Variants in SLC25A25 observed in about 807,000 individuals in gnomAD.
SLC25A25 encodes mitochondrial adenyl nucleotide antiporter SLC25A25.
A neutral mutation model predicts 57.7 loss-of-function variants in SLC25A25; 32 were observed. The observed-to-expected ratio is 0.55, with a 90% CI of 0.42 to 0.74. The LOEUF (loss-of-function observed/expected upper bound fraction) is 0.74, where lower values mean the gene tolerates loss of function less well. SLC25A25 is among the 30% of genes least tolerant of loss of function. SLC25A25 has a pLI of 0.00. For synonymous variants in SLC25A25, 306 were observed against 291.2 expected (o/e 1.05, Z -0.52); for missense variants, 556 against 701.3 (o/e 0.79, Z 2.34).
chr9:128,077,883 G>C (rs182025984), intron 1 of SLC25A25, among the ~76,000 whole-genome samples: 4 of 151,862 alleles, frequency 2.6e-5, no homozygotes, highest in Admixed American at 2.6e-4. Flanking sequence ...AAAATTAGCC[G>C]AGCATGGTGG....
Position 128,106,462 on chromosome 9 carries a change from A to G in SLC25A25, c.1154A>G (p.Tyr385Cys). 4 of 1,613,178 alleles carry G rather than the reference A, an allele frequency of 2.5e-6. No homozygotes were observed. Among genetic ancestry groups the G allele is most frequent in the Non-Finnish European group, 3.4e-6 (4 of 1,179,932 alleles). ...GGGGTGGCCGCCTTCTACAAAGGCT[A>G]TGTCCCCAACATGCTGGGCATCATC... Reference protein sequence around the residue: ...REGVAAFYKGYVPNMLGIIPY... With the variant: ...REGVAAFYKGCVPNMLGIIPY... Residue 385 changes from tyrosine (Y) to cysteine (C), a missense_variant, in exon 9 of 11, where the codon TAT (tyrosine) becomes TGT (cysteine). Coordinates refer to ENST00000373069, the MANE Select transcript of SLC25A25 (RefSeq NM_001330988.2).
intron 1 of SLC25A25, among the ~76,000 whole-genome samples, chr9:128,081,297 G>C (rs1201612454): frequency 1.3e-5 from 2 of 152,196 alleles, no homozygotes; most frequent in Non-Finnish European, 2.9e-5. Flanking sequence ...TTAAGTTTGT[G>C]TTGAGTCAGA....
At chr9:128,078,769 G>A (rs1833074743) in intron 1 of SLC25A25, among the ~76,000 whole-genome samples, 1 of 152,170 alleles carries the variant, frequency 6.6e-6, no homozygotes, top group Admixed American at 6.5e-5. Flanking sequence ...ACTAAGGCTC[G>A]GAGGCTGGGT....
chr9:128,101,960 C>A lies in SLC25A25; in HGVS notation c.477-120C>A. On this transcript the variant is annotated intron_variant, in intron 3 of 10. Coordinates refer to ENST00000373069, the MANE Select transcript of SLC25A25 (RefSeq NM_001330988.2). This position sits in a 1 kb window ranked among gnomAD's most constrained non-coding sequence, Gnocchi z 4.9. ...CCCTGGGCTCAGCTGCTGTGGCGGG[C>A]TCGTCTCGTGCCGTGCTGTGCCCCT... 1 of 1,150,488 alleles carries A rather than the reference C, an allele frequency of 8.7e-7. No homozygotes were observed. The highest frequency in any genetic ancestry group is 1.2e-6 in the Non-Finnish European group (1 of 803,684). 71.3% of individuals were successfully genotyped at this position (1,150,488 alleles called of 1,614,324 possible).
At chr9:128,098,627 T>G (rs745836152) in intron 1 of SLC25A25, 1 of 1,614,072 alleles carries the variant, frequency 6.2e-7, no homozygotes. Flanking sequence ...GTTCCAGTAC[T>G]TTGAGTCGAA....
At position 128,103,206 on chromosome 9, in the gene SLC25A25, G is replaced by A. The variant is rs149587918; in HGVS notation, c.625-475G>A. The stretch of plus-strand genomic sequence containing the variant: ...GAGCAGAGGTGGCTCTGATCAGCCC[G>A]GATGTCACCCGGAGAAAGGTTACGC... On this transcript the variant is annotated intron_variant, in intron 5 of 10. Transcript: ENST00000373069. The surrounding 1 kb of genome is among the most constrained non-coding windows in gnomAD (Gnocchi z 6.7). 4.8e-3 allele frequency among the ~76,000 whole-genome samples: 735 copies of A among 152,314 alleles called. 6 individuals are homozygous for A. Among genetic ancestry groups the A allele is most frequent in the African/African-American group, 0.016 (667 of 41,572 alleles).
At chr9:128,078,003 T>G (rs4276778) in intron 1 of SLC25A25, among the ~76,000 whole-genome samples, 40,323 of 150,444 alleles carry the variant, frequency 0.27, 6,377 homozygotes, top group African/African-American at 0.44. Context: ...TCCAGTCTGG[T>G]CAACAGAGTG....
Position 128,099,180 on chromosome 9 carries a change from G to A in SLC25A25, c.262-1916G>A. On this transcript the variant is annotated intron_variant, in intron 1 of 10. Transcript: ENST00000373069. This position sits in a 1 kb window ranked among gnomAD's most constrained non-coding sequence, Gnocchi z 6.8. Reference sequence around the variant, plus strand: ...CAGACATCGCTGTGGAACAGGGCCTGTGTCTGCCCTGAAAGTGAGGAAGCC... The same window carrying A: ...CAGACATCGCTGTGGAACAGGGCCTATGTCTGCCCTGAAAGTGAGGAAGCC... The A allele has an allele frequency of 7.9e-7, 1 of 1,262,202 alleles. No homozygotes were observed. Among genetic ancestry groups the A allele is most frequent in the South Asian group, 1.3e-5 (1 of 76,654 alleles). The allele number at this position is 1,262,202 out of a possible 1,614,324, so 78.2% of individuals were successfully genotyped here. A position where few individuals can be genotyped will look rare whatever the true frequency, so the allele number is the denominator to read the frequency against.
chr9:128,108,417 A>C lies in SLC25A25; in HGVS notation c.*973A>C, dbSNP rs1834138037. 3 of 397,080 alleles carry C rather than the reference A, an allele frequency of 7.6e-6. No individual in the cohort carries two copies. Among genetic ancestry groups the C allele is most frequent in the Non-Finnish European group, 1.3e-5 (3 of 225,344 alleles). The allele number at this position is 397,080 out of a possible 1,614,324, so 24.6% of individuals were successfully genotyped here. A position where few individuals can be genotyped will look rare whatever the true frequency, so the allele number is the denominator to read the frequency against. Reference sequence around the variant, plus strand: ...GGAGCAGGAGCTTGGCTGACTGCTCAGAGTCTGTTCTGACGCCCTGGGGGT... The same window carrying C: ...GGAGCAGGAGCTTGGCTGACTGCTCCGAGTCTGTTCTGACGCCCTGGGGGT... On this transcript the variant is annotated 3_prime_UTR_variant, in exon 11 of 11. Transcript: ENST00000373069.
rs1407729387 is a variant in SLC25A25, at chr9:128,107,587, G to A, written c.*143G>A. The stretch of plus-strand genomic sequence containing the variant: ...CCCTAGACGCACCCGCAGGGAGGGT[G>A]GGGAGAGCTGGCAGGCCCAGGGCTT... On this transcript the variant is annotated 3_prime_UTR_variant, in exon 11 of 11. Transcript: ENST00000373069. 3.0e-6 allele frequency: 3 copies of A among 996,458 alleles called. No individual in the cohort carries two copies. The highest frequency in any genetic ancestry group is 3.4e-4 in the Middle Eastern group (1 of 2,976). 61.7% of individuals were successfully genotyped at this position (996,458 alleles called of 1,614,324 possible).
Position 128,103,091 on chromosome 9 carries a change from C to A in SLC25A25, c.625-590C>A, listed in dbSNP as rs1047426934. Among the ~76,000 whole-genome samples the A allele has an allele frequency of 5.9e-5, 9 of 152,210 alleles. No homozygotes were observed. The highest frequency in any genetic ancestry group is 2.2e-4 in the African/African-American group (9 of 41,454). ...CGCTCCTCATCTGCCTCTCGCAGTG[C>A]CAGGCCAGGGCTTGTTAGGTGAGAT... is the stretch of plus-strand genomic sequence containing the variant. On this transcript the variant is annotated intron_variant, in intron 5 of 10. Coordinates refer to ENST00000373069, the MANE Select transcript of SLC25A25 (RefSeq NM_001330988.2). The surrounding 1 kb of genome is among the most constrained non-coding windows in gnomAD (Gnocchi z 6.7).
In SLC25A25 at chr9:128,101,274, C is replaced by T. The variant is rs763483447; in HGVS notation, c.389-35C>T. 15 of 1,614,098 alleles carry T rather than the reference C, an allele frequency of 9.3e-6. No homozygotes were observed. Among genetic ancestry groups the T allele is most frequent in the East Asian group, 6.7e-5 (3 of 44,890 alleles). The stretch of plus-strand genomic sequence containing the variant: ...CGGTCCAGCCTCGGGCCTCCCCGTG[C>T]GCCTGGCTCCTGCTCACGGCCTCTG... On this transcript the variant is annotated intron_variant, in intron 2 of 10. Transcript: ENST00000373069. The surrounding 1 kb of genome is among the most constrained non-coding windows in gnomAD (Gnocchi z 4.9).
chr9:128,093,922 G>T (rs1833485953), intron 1 of SLC25A25, among the ~76,000 whole-genome samples: 1 of 152,162 alleles, frequency 6.6e-6, no homozygotes, highest in Non-Finnish European at 1.5e-5. Context: ...GTCTGAGGTG[G>T]ACAGATCACG....
At chr9:128,098,464 A>G in intron 1 of SLC25A25, 1 of 1,492,050 alleles carries the variant, frequency 6.7e-7, no homozygotes, top group South Asian at 1.4e-5. Flanking sequence ...AGCCAATGAC[A>G]GCTGAGGCCA....
chr9:128,079,943 A>T (rs1833111251), intron 1 of SLC25A25, among the ~76,000 whole-genome samples: 1 of 151,740 alleles, frequency 6.6e-6, no homozygotes, highest in Admixed American at 6.6e-5. Flanking sequence ...GGCAGCCCAG[A>T]TCGTGCCACT....
chr9:128,073,839 A>G (rs549335641), intron 1 of SLC25A25, among the ~76,000 whole-genome samples: 37 of 151,542 alleles, frequency 2.4e-4, no homozygotes, highest in Non-Finnish European at 4.9e-4. Context: ...GGTTCAAGCA[A>G]TTCTTTGCCT....
At chr9:128,094,433 T>C (rs10987873) in intron 1 of SLC25A25, 25,183 of 152,094 alleles carry the variant, frequency 0.17, 2,389 homozygotes, top group African/African-American at 0.24. Context: ...GAATTTTGCT[T>C]ATTGTGTGTG....
intron 1 of SLC25A25, chr9:128,092,018 G>A (rs559673656): frequency 7.4e-6 from 12 of 1,614,004 alleles, no homozygotes; most frequent in African/African-American, 1.3e-5. Context: ...GAAACAGGAC[G>A]GAAGGGCTGA....
In SLC25A25 at chr9:128,071,906, T is replaced by G. The variant is rs117652426; in HGVS notation, c.261+3326T>G. On this transcript the variant is annotated intron_variant, in intron 1 of 10. Coordinates refer to ENST00000373069, the MANE Select transcript of SLC25A25 (RefSeq NM_001330988.2). ...TTTTGTACTATTAGGAGACAAGGGA[T>G]TTCACCATGTTGGCCAGGCTGGTCT... is the stretch of plus-strand genomic sequence containing the variant. Among the ~76,000 whole-genome samples the G allele has an allele frequency of 8.5e-3, 1,289 of 151,880 alleles. 9 individuals are homozygous for G. The highest frequency in any genetic ancestry group is 0.018 in the South Asian group (84 of 4,796).
Sources: allele counts gnomAD v4.1 joint callset (sites outside exome capture counted in the v4.1 genomes callset), GRCh38; gene constraint gnomAD v4.1.1; non-coding constraint Gnocchi (gnomAD v3.1); transcripts MANE v1.5; gene names NCBI Gene and HGNC (gene_info 2026-07-23, HGNC 2026-07-21).